Variants in LRGUK observed in about 807,000 individuals in gnomAD.
LRGUK encodes leucine-rich repeat and guanylate kinase domain-containing protein.
A neutral mutation model predicts 76.0 loss-of-function variants in LRGUK; 65 were observed. The observed-to-expected ratio is 0.85, with a 90% CI of 0.70 to 1.05. The LOEUF is 1.05. LRGUK is among the 50% of genes least tolerant of loss of function. The probability of loss-of-function intolerance (pLI) is 0.00; values close to 1 mark genes in which losing one functional copy is unlikely to be tolerated. For synonymous variants in LRGUK, 268 were observed against 265.6 expected (o/e 1.01, Z -0.09); for missense variants, 758 against 732.8 (o/e 1.03, Z -0.40).
chr7:134,171,676 A>G (rs543938673), intron 7 of LRGUK, among the ~76,000 whole-genome samples: 2 of 152,240 alleles, frequency 1.3e-5, no homozygotes, highest in South Asian at 2.1e-4. Context: ...CTGGGGATCA[A>G]CTGTGCTGAG....
At chr7:134,153,894 CTGTT>C (rs1008911934) in intron 5 of LRGUK, among the ~76,000 whole-genome samples, 5 of 152,188 alleles carry the variant, frequency 3.3e-5, no homozygotes, top group African/African-American at 9.7e-5. Context: ...TTCTCAGTAA[CTGTT>C]TGCTATACAC....
At chr7:134,256,875 A>T (rs1211617478) in intron 18 of LRGUK, among the ~76,000 whole-genome samples, 1 of 152,180 alleles carries the variant, frequency 6.6e-6, no homozygotes, top group African/African-American at 2.4e-5. Flanking sequence ...GCAGGTCCAG[A>T]TCTTGTGTTC....
At chr7:134,272,045 T>C in the LRGUK span, among the ~76,000 whole-genome samples, 1 of 152,120 alleles carries the variant, frequency 6.6e-6, no homozygotes, top group East Asian at 1.9e-4. Flanking sequence ...GAGACAATCT[T>C]CAATACAATG....
At chr7:134,249,305 G>T (rs1169596471) in intron 18 of LRGUK, among the ~76,000 whole-genome samples, 1 of 152,126 alleles carries the variant, frequency 6.6e-6, no homozygotes. Flanking sequence ...TTGAGGGAGT[G>T]ATAGAAAGAC....
chr7:134,133,401 G>A (rs552741074), intron 1 of LRGUK, among the ~76,000 whole-genome samples: 1 of 152,166 alleles, frequency 6.6e-6, no homozygotes, highest in East Asian at 1.9e-4. Flanking sequence ...ACTCCACCCT[G>A]GTACTGACAT....
intron 5 of LRGUK, among the ~76,000 whole-genome samples, chr7:134,154,106 CA>C: frequency 6.6e-6 from 1 of 152,162 alleles, no homozygotes; most frequent in Non-Finnish European, 1.5e-5. Flanking sequence ...TCTACAATTT[CA>C]CTTTAAAAGA....
At chr7:134,191,782 C>A in intron 12 of LRGUK, 31 bp downstream of exon 12, 2 of 1,371,332 alleles carry the variant, frequency 1.5e-6, no homozygotes, top group Non-Finnish European at 2.1e-6. Flanking sequence ...TTTTATTGCA[C>A]AAGAAATACA....
intron 7 of LRGUK, among the ~76,000 whole-genome samples, chr7:134,173,197 G>A (rs1799331268): frequency 6.6e-6 from 1 of 152,180 alleles, no homozygotes; most frequent in South Asian, 2.1e-4. Context: ...GTATAACGTT[G>A]CTCTAACAAG....
At chr7:134,188,257 T>C (rs1023406863) in intron 11 of LRGUK, among the ~76,000 whole-genome samples, 2 of 151,846 alleles carry the variant, frequency 1.3e-5, no homozygotes, top group Admixed American at 1.3e-4. Context: ...AAAAGAGAAG[T>C]AGGAAGTGGG....
At chr7:134,239,603 T>A (rs1231977038) in intron 16 of LRGUK, among the ~76,000 whole-genome samples, 2 of 152,216 alleles carry the variant, frequency 1.3e-5, no homozygotes, top group East Asian at 1.9e-4. Context: ...TGCCTGCCTC[T>A]GTAGACTCCA....
At chr7:134,127,407 G>T (rs746904615) in exon 1 of LRGUK, 7 of 1,613,614 alleles carry the variant, frequency 4.3e-6, no homozygotes, top group East Asian at 2.2e-5. Context: ...GACCAGAGCT[G>T]CCTCTCTCCT....
At chr7:134,251,274 C>T (rs1219033966) in intron 18 of LRGUK, among the ~76,000 whole-genome samples, 2 of 152,146 alleles carry the variant, frequency 1.3e-5, no homozygotes, top group Admixed American at 6.5e-5. Flanking sequence ...AATTTGGACA[C>T]AGGCACACAC....
exon 9 of LRGUK, chr7:134,177,038 A>C: frequency 6.2e-7 from 1 of 1,600,872 alleles, no homozygotes; most frequent in South Asian, 1.1e-5. Flanking sequence ...GAATTAGATC[A>C]GAAGAAGATT....
intron 12 of LRGUK, among the ~76,000 whole-genome samples, chr7:134,195,558 C>T (rs1254811947): frequency 6.6e-6 from 1 of 152,104 alleles, no homozygotes; most frequent in African/African-American, 2.4e-5. Flanking sequence ...CTATTGAGGC[C>T]TTCAACTGAT....
intron 3 of LRGUK, among the ~76,000 whole-genome samples, chr7:134,141,012 G>C (rs909017717): frequency 2.4e-4 from 36 of 152,072 alleles, no homozygotes; most frequent in African/African-American, 4.8e-5. Flanking sequence ...ATACCTCCGC[G>C]GTTGTTTCCA....
At chr7:134,163,313 G>A (rs1267955745) in intron 6 of LRGUK, 84 bp from the exon 7 acceptor site, 2 of 1,275,514 alleles carry the variant, frequency 1.6e-6, no homozygotes, top group African/African-American at 1.5e-5. Flanking sequence ...AGAGATTTGG[G>A]TCAGTATCCC....
chr7:134,133,456 A>G (rs150556042), intron 1 of LRGUK, among the ~76,000 whole-genome samples: 164 of 152,250 alleles, frequency 1.1e-3, no homozygotes, highest in African/African-American at 3.7e-3. Flanking sequence ...GCCTATCTCT[A>G]TTATAATCTT....
At chr7:134,272,796 TC>T in the LRGUK span, among the ~76,000 whole-genome samples, 17 of 152,198 alleles carry the variant, frequency 1.1e-4, no homozygotes, top group Non-Finnish European at 2.4e-4. Context: ...AGGTAATGCA[TC>T]TGTGGTGAGT....
chr7:134,258,751 A>T lies in LRGUK; in HGVS notation c.2347+346A>T, dbSNP rs528771711. 1.2e-4 allele frequency among the ~76,000 whole-genome samples: 19 copies of T among 152,014 alleles called. No individual in the cohort carries two copies. In the East Asian group the frequency reaches 3.7e-3, roughly 29 times the overall value. ...ATGGTACTATAAATATAAGTTATAT[A>T]TATTTATATTTGTTTATATATGTTT... On this transcript the variant is annotated intron_variant, in intron 19 of 19. Coordinates refer to the LRGUK transcript ENST00000285928.
Sources: allele counts gnomAD v4.1 joint callset (sites outside exome capture counted in the v4.1 genomes callset), GRCh38; gene constraint gnomAD v4.1.1; transcripts MANE v1.5; gene names NCBI Gene and HGNC (gene_info 2026-07-23, HGNC 2026-07-21).